Variants in FOXK2 observed in about 807,000 individuals in gnomAD.
The protein encoded by FOXK2 is forkhead box K2.
Under a neutral mutation model 53.3 loss-of-function variants are expected in FOXK2, and 24 were observed. The ratio of observed to expected loss-of-function variants is 0.45; its 90% CI spans 0.33 to 0.63. The LOEUF (loss-of-function observed/expected upper bound fraction) is 0.63, where lower values mean the gene tolerates loss of function less well. FOXK2 is among the 30% of genes least tolerant of loss of function. FOXK2 has a pLI of 0.03. For synonymous variants in FOXK2, 505 were observed against 407.1 expected, an observed-to-expected ratio of 1.24 and a Z score of -2.89; for missense variants, 952 against 910.5, an observed-to-expected ratio of 1.05 and a Z score of -0.59.
intron 1 of FOXK2, among the ~76,000 whole-genome samples, chr17:82,536,590 C>G (rs2044522833): frequency 6.6e-6 from 1 of 152,346 alleles, no homozygotes; most frequent in South Asian, 2.1e-4. Context: ...GGAACTCTTA[C>G]AGTCTTTACG....
intron 1 of FOXK2, among the ~76,000 whole-genome samples, chr17:82,525,052 T>C (rs2044403219): frequency 6.6e-6 from 1 of 150,990 alleles, no homozygotes; most frequent in East Asian, 2.0e-4. Flanking sequence ...CTCGGCTCAC[T>C]GCAACCTCCG....
At position 82,520,321 on chromosome 17, in the gene FOXK2, G is replaced by T; in HGVS notation, c.419+14G>T. The T allele has an allele frequency of 8.0e-7, 1 of 1,254,484 alleles. No individual in the cohort carries two copies. Among genetic ancestry groups the T allele is most frequent in the Non-Finnish European group, 1.0e-6 (1 of 994,868 alleles). 77.7% of individuals were successfully genotyped at this position (1,254,484 alleles called of 1,614,324 possible). A position where few individuals can be genotyped will look rare whatever the true frequency, so the allele number is the denominator to read the frequency against. ...GCTGCCGCGCGTGTGAGTGGCCTCG[G>T]GGCGGGGCGGGCGGGGTCTGCGGCC... On this transcript the variant is annotated intron_variant, in intron 1 of 8. Transcript: ENST00000335255.
Position 82,519,945 on chromosome 17 carries a change from G to C in FOXK2, c.57G>C (p.Gly19=). ...CGGGCACGCCACCCGCGGGCGGCGG[G>C]GCCGGGGGCGGCGGGGCCGGGGGCG... The part of the protein sequence containing the change: ...SGAGTPPAGG[G]AGGGGAGGGG... Residue 19 remains glycine, a synonymous_variant, in exon 1 of 9, where the codon GGG becomes GGC. Transcript: ENST00000335255. 1 of 824,072 alleles carries C rather than the reference G, an allele frequency of 1.2e-6. No individual in the cohort carries two copies. Among genetic ancestry groups the C allele is most frequent in the Non-Finnish European group, 1.4e-6 (1 of 692,220 alleles). The allele number at this position is 824,072 out of a possible 1,614,324, so 51.0% of individuals were successfully genotyped here.
In FOXK2 at chr17:82,586,018, C is replaced by T. The variant is rs200258315; in HGVS notation, c.1394C>T (p.Pro465Leu). 110 of 1,612,732 alleles carry T rather than the reference C, an allele frequency of 6.8e-5. No individual in the cohort carries two copies. Among genetic ancestry groups the T allele is most frequent in the Non-Finnish European group, 9.0e-5 (106 of 1,180,004 alleles). The change falls in exon 7 of 9, where the codon CCA becomes CTA. Residue 465 changes from proline (P) to leucine (L), a missense_variant. Physicochemically the swap from Pro to Leu is moderately conservative, Grantham distance 98. Around this residue, in one of 5 missense-constraint regions of FOXK2, gnomAD observed 551 missense variants for 385.1 expected, o/e 1.43. Coordinates refer to ENST00000335255, the MANE Select transcript of FOXK2 (RefSeq NM_004514.4). ...ATPVTTSTSQ[P>L]PVVQTVHVVH... is the part of the protein sequence containing the mutation. ...CCAGTGACCACCTCGACCTCCCAGC[C>T]ACCCGTCGTGCAGACGGTTCACGTC...
At chr17:82,552,558 A>G (rs1199644290) in intron 1 of FOXK2, among the ~76,000 whole-genome samples, 1 of 152,062 alleles carries the variant, frequency 6.6e-6, no homozygotes, top group Admixed American at 6.6e-5. Context: ...CTTCTGTGAC[A>G]TTGATATTTT....
intron 1 of FOXK2, among the ~76,000 whole-genome samples, chr17:82,551,533 T>C (rs958139473): frequency 6.6e-6 from 1 of 151,770 alleles, no homozygotes; most frequent in Non-Finnish European, 1.5e-5. Flanking sequence ...TACAAAAAAT[T>C]AGCCAGGTGT....
chr17:82,566,055 G>A (rs2044847877), intron 2 of FOXK2, among the ~76,000 whole-genome samples: 2 of 151,772 alleles, frequency 1.3e-5, no homozygotes, highest in African/African-American at 2.4e-5. Context: ...TGGAGAGGTG[G>A]CCAGGGGCTG....
At chr17:82,547,666 G>A (rs1007051725) in intron 1 of FOXK2, among the ~76,000 whole-genome samples, 2 of 151,946 alleles carry the variant, frequency 1.3e-5, no homozygotes, top group Non-Finnish European at 2.9e-5. Context: ...AAACTTAAGG[G>A]TACCTTTCAA....
intron 8 of FOXK2, chr17:82,596,279 T>C: frequency 9.1e-6 from 8 of 876,904 alleles, no homozygotes; most frequent in Non-Finnish European, 1.1e-5. Context: ...ACGCCTTAAT[T>C]CTGGAACACG....
intron 1 of FOXK2, among the ~76,000 whole-genome samples, chr17:82,537,917 CAA>C (rs568515827): frequency 3.6e-4 from 24 of 67,464 alleles, no homozygotes; most frequent in Middle Eastern, 9.4e-3. Flanking sequence ...ACTCTGTCTC[CAA>C]AAAAAAAAAA....
chr17:82,574,481 C>T (rs146339519), intron 4 of FOXK2, among the ~76,000 whole-genome samples: 101 of 152,258 alleles, frequency 6.6e-4, no homozygotes, highest in African/African-American at 2.0e-3. Context: ...CCACCACACC[C>T]GGCTAATTTT....
chr17:82,559,233 A>C, intron 1 of FOXK2: 1 of 400,408 alleles, frequency 2.5e-6, no homozygotes, highest in Non-Finnish European at 5.1e-6. Context: ...GAGTGTCTGT[A>C]TGTGGATGTG....
In FOXK2 at chr17:82,586,076, T is replaced by C. The variant is rs953384933; in HGVS notation, c.1452T>C (p.Ser484=). 2 of 1,612,634 alleles carry C rather than the reference T, an allele frequency of 1.2e-6. No individual in the cohort carries two copies. Among genetic ancestry groups the C allele is most frequent in the South Asian group, 1.1e-5 (1 of 91,082 alleles). ...VHQIPAVSVT[S]VAGLAPANTY... ...AGATCCCAGCGGTGTCGGTCACCAG[T>C]GTGGCCGGACTGGCCCCAGCGAACA... Residue 484 remains serine (S), a synonymous_variant, in exon 7 of 9, where the codon AGT becomes AGC. Transcript: ENST00000335255.
rs75410314 is a variant in FOXK2, at chr17:82,582,923, G to A, written c.1092G>A (p.Pro364=). The A allele has an allele frequency of 3.2e-6, 5 of 1,585,024 alleles. No individual in the cohort carries two copies. The highest frequency in any genetic ancestry group is 4.5e-5 in the East Asian group (2 of 44,142). ...GVPCFRTPLG[P]LSSRSAPASP... is the part of the protein sequence containing the mutation. ...CCTGCTTTAGAACCCCTCTGGGACC[G>A]CTCTCTTCTAGGTAAGGAAAAAGAA... Residue 364 remains proline, a synonymous_variant, in exon 5 of 9, where the codon CCG becomes CCA. Transcript: ENST00000335255.
At position 82,541,280 on chromosome 17, in the gene FOXK2, T is replaced by G. The variant is rs114757459; in HGVS notation, c.419+20973T>G. Among the ~76,000 whole-genome samples, 500 of 151,938 alleles carry G rather than the reference T, an allele frequency of 3.3e-3. 4 individuals are homozygous for G. Among genetic ancestry groups the G allele is most frequent in the African/African-American group, 0.011 (461 of 41,432 alleles). ...TCTAAATAACTAATGATTTACAGTT[T>G]TTTTTTTTTTCAGTCAGAGTTGTGC... On this transcript the variant is annotated intron_variant, in intron 1 of 8. Coordinates refer to ENST00000335255, the MANE Select transcript of FOXK2 (RefSeq NM_004514.4).
At chr17:82,535,163 A>G (rs1381306535) in intron 1 of FOXK2, among the ~76,000 whole-genome samples, 1 of 152,206 alleles carries the variant, frequency 6.6e-6, no homozygotes, top group East Asian at 1.9e-4. Flanking sequence ...TACAGGTGTA[A>G]GCCACCGTGC....
In FOXK2 at chr17:82,602,332, C is replaced by T. The variant is rs1309593130; in HGVS notation, c.*833C>T. 6.6e-6 allele frequency: 1 copy of T among 152,198 alleles called. No homozygotes were observed. The highest frequency in any genetic ancestry group is 1.9e-4 in the East Asian group (1 of 5,206). The allele number at this position is 152,198 out of a possible 1,614,324, so 9.4% of individuals were successfully genotyped here. On this transcript the variant is annotated 3_prime_UTR_variant, in exon 9 of 9. Coordinates refer to ENST00000335255, the MANE Select transcript of FOXK2 (RefSeq NM_004514.4). ...TCTGGCTATTTTTTGTTGTTTGTTT[C>T]TTTGTGTTGACTTTGTCCCTGGCAA...
At position 82,575,903 on chromosome 17, in the gene FOXK2, C is replaced by T. The variant is rs546332827; in HGVS notation, c.909+4033C>T. 4.1e-5 allele frequency among the ~76,000 whole-genome samples: 6 copies of T among 147,700 alleles called. No individual in the cohort carries two copies. The South Asian group carries it at 6.5e-4, about 16-fold the overall frequency. ...GAGGGTGGCGGCGGGTTCATCCACACGTCCACACCAGCGTGTGTGCTTGGG... is the reference window on the plus strand; with the variant it reads ...GAGGGTGGCGGCGGGTTCATCCACATGTCCACACCAGCGTGTGTGCTTGGG... On this transcript the variant is annotated intron_variant, in intron 4 of 8. Coordinates refer to ENST00000335255, the MANE Select transcript of FOXK2 (RefSeq NM_004514.4).
At chr17:82,598,740 A>G (rs957545324) in intron 8 of FOXK2, among the ~76,000 whole-genome samples, 2 of 152,246 alleles carry the variant, frequency 1.3e-5, no homozygotes, top group African/African-American at 4.8e-5. Context: ...TGCGTGGGCA[A>G]GTGAGTTTCA....
Sources: gnomAD v4.1 joint callset for allele counts (sites outside exome capture counted in the v4.1 genomes callset) on GRCh38, gnomAD v4.1.1 for gene constraint, gnomAD v4.1.1 regional missense constraint, MANE v1.5 for transcripts, NCBI Gene and HGNC (gene_info 2026-07-23, HGNC 2026-07-21) for gene names.